Variants in PIGU observed in about 807,000 individuals in gnomAD.
PIGU encodes the protein phosphatidylinositol glycan anchor biosynthesis class U.
In PIGU, 24 loss-of-function variants were observed where a neutral mutation model predicts 49.9. The observed-to-expected ratio is 0.48, with a 90% confidence interval of 0.35 to 0.68. The LOEUF (loss-of-function observed/expected upper bound fraction) is 0.68. PIGU is among the 30% of genes least tolerant of loss of function. The pLI is 0.01. For missense variants in PIGU, 490 were observed against 532.6 expected (o/e 0.92, Z 0.79); for synonymous variants, 220 against 205.7 (o/e 1.07, Z -0.59).
intron 10 of PIGU, among the ~76,000 whole-genome samples, chr20:34,576,728 C>A (rs977126330): frequency 2.6e-5 from 4 of 152,138 alleles, no homozygotes; most frequent in Admixed American, 1.3e-4. Flanking sequence ...CTCCAGGGAT[C>A]CTCCTGTCTC....
At position 34,650,521 on chromosome 20, in the gene PIGU, G is replaced by C. The variant is rs369002407; in HGVS notation, c.196-5187C>G. Among the ~76,000 whole-genome samples, 18 of 151,962 alleles carry C rather than the reference G, an allele frequency of 1.2e-4. No individual in the cohort carries two copies. The East Asian group carries it at 3.5e-3, about 29-fold the overall frequency. ...TGGCCTCAAGTGATCTGCCCATCTT[G>C]GCCTTCCAAAGTGCTGGGATTACAA... On this transcript the variant is annotated intron_variant, in intron 2 of 11. Transcript: ENST00000217446.
chr20:34,637,834 G>C (rs776699720), intron 5 of PIGU, 42 bp downstream of exon 5: 2 of 1,591,730 alleles, frequency 1.3e-6, no homozygotes, highest in Middle Eastern at 1.7e-4. Flanking sequence ...GATTTTCCTC[G>C]CATTTGTTGG....
chr20:34,593,341 GA>G (rs61048902), intron 7 of PIGU, among the ~76,000 whole-genome samples: 5,461 of 143,970 alleles, frequency 0.038, 351 homozygotes, highest in African/African-American at 0.13. Context: ...CTGTCTTAAA[GA>G]AAAAAAAAAA....
chr20:34,574,318 G>A (rs1384836013), intron 11 of PIGU, among the ~76,000 whole-genome samples: 1 of 152,236 alleles, frequency 6.6e-6, no homozygotes, highest in Non-Finnish European at 1.5e-5. Flanking sequence ...ATTTCTGGGA[G>A]TGGGATCAGA....
chr20:34,568,737 G>A (rs912473872), intron 11 of PIGU, among the ~76,000 whole-genome samples: 1 of 152,228 alleles, frequency 6.6e-6, no homozygotes, highest in Non-Finnish European at 1.5e-5. Context: ...GCATGCAGGA[G>A]GTTGGTGTCA....
intron 8 of PIGU, among the ~76,000 whole-genome samples, chr20:34,587,357 G>T (rs1035863579): frequency 1.2e-4 from 18 of 152,174 alleles, no homozygotes; most frequent in Non-Finnish European, 2.6e-4. Flanking sequence ...TGTCGGGGGG[G>T]TTTTAACTGA....
At chr20:34,607,169 T>A (rs1984646888) in intron 7 of PIGU, among the ~76,000 whole-genome samples, 1 of 152,246 alleles carries the variant, frequency 6.6e-6, no homozygotes, top group Admixed American at 6.5e-5. Flanking sequence ...TAAAAACCAT[T>A]CACCCAGTGA....
At chr20:34,665,243 G>T (rs1055067864) in intron 1 of PIGU, among the ~76,000 whole-genome samples, 2 of 112,290 alleles carry the variant, frequency 1.8e-5, no homozygotes, top group African/African-American at 3.4e-5. Flanking sequence ...TCGCTCTGTC[G>T]CCCAGGCTGG....
intron 7 of PIGU, among the ~76,000 whole-genome samples, chr20:34,599,134 G>A (rs1984312239): frequency 6.6e-6 from 1 of 152,064 alleles, no homozygotes; most frequent in African/African-American, 2.4e-5. Flanking sequence ...TACTCATTTT[G>A]TTAATCAGTA....
intron 11 of PIGU, among the ~76,000 whole-genome samples, chr20:34,572,598 G>A (rs186962050): frequency 6.6e-6 from 1 of 152,242 alleles, no homozygotes; most frequent in African/African-American, 2.4e-5. Flanking sequence ...AGGTTGCAGT[G>A]AGCCAAGATC....
intron 5 of PIGU, among the ~76,000 whole-genome samples, chr20:34,635,738 G>T (rs1200982717): frequency 6.6e-6 from 1 of 151,988 alleles, no homozygotes; most frequent in African/African-American, 2.4e-5. Flanking sequence ...GGCCAGGCGT[G>T]GTGGCACATG....
intron 4 of PIGU, among the ~76,000 whole-genome samples, chr20:34,639,682 T>A (rs1986088953): frequency 6.6e-6 from 1 of 152,190 alleles, no homozygotes; most frequent in Non-Finnish European, 1.5e-5. Flanking sequence ...TAGAAGACCA[T>A]CTTTCAGTTT....
intron 11 of PIGU, among the ~76,000 whole-genome samples, chr20:34,574,371 G>T (rs1271207076): frequency 6.6e-6 from 1 of 152,230 alleles, no homozygotes; most frequent in Non-Finnish European, 1.5e-5. Flanking sequence ...TGGGACGGCT[G>T]CAACATAATT....
intron 1 of PIGU, among the ~76,000 whole-genome samples, chr20:34,670,710 T>C (rs1987282206): frequency 6.6e-6 from 1 of 152,064 alleles, no homozygotes; most frequent in Admixed American, 6.6e-5. Context: ...CACCTAATTT[T>C]TGTATTTCTT....
At chr20:34,561,921 T>C (rs989837296) in intron 11 of PIGU, among the ~76,000 whole-genome samples, 5 of 152,156 alleles carry the variant, frequency 3.3e-5, no homozygotes, top group African/African-American at 1.2e-4. Flanking sequence ...AAGTGTAATT[T>C]TCCATTCAGC....
At chr20:34,604,392 A>T (rs1016890210) in intron 7 of PIGU, among the ~76,000 whole-genome samples, 2 of 152,216 alleles carry the variant, frequency 1.3e-5, no homozygotes, top group Non-Finnish European at 2.9e-5. Flanking sequence ...AAACTCTTAA[A>T]GGGAGTTAAC....
chr20:34,609,133 C>A (rs62212343), intron 7 of PIGU, among the ~76,000 whole-genome samples: 7,300 of 151,958 alleles, frequency 0.048, 283 homozygotes, highest in Non-Finnish European at 0.084. Context: ...ACCAACCAAC[C>A]AACCAAACAA....
intron 1 of PIGU, among the ~76,000 whole-genome samples, chr20:34,662,254 G>A (rs1245760514): frequency 6.6e-6 from 1 of 151,966 alleles, no homozygotes. Flanking sequence ...TGTATTTTTT[G>A]TAGAGATGGG....
chr20:34,587,805 A>G (rs1009733034), intron 8 of PIGU, among the ~76,000 whole-genome samples: 1 of 152,120 alleles, frequency 6.6e-6, no homozygotes, highest in African/African-American at 2.4e-5. Context: ...TTCCATCCCT[A>G]CTACTGTCAT....
Sources: allele counts gnomAD v4.1 joint callset (sites outside exome capture counted in the v4.1 genomes callset), GRCh38; gene constraint gnomAD v4.1.1; transcripts MANE v1.5; gene names NCBI Gene and HGNC (gene_info 2026-07-23, HGNC 2026-07-21).